Variants in CDH2 observed in about 807,000 individuals in gnomAD.
CDH2 encodes the protein cadherin-2.
In CDH2, 17 loss-of-function variants were observed where a neutral mutation model predicts 92.0. The observed-to-expected ratio is 0.18, with a 90% confidence interval of 0.13 to 0.28. CDH2 has a LOEUF of 0.28. CDH2 is among the 10% of genes least tolerant of loss of function. The probability of loss-of-function intolerance (pLI) is 1.00; values close to 1 mark genes in which losing one functional copy is unlikely to be tolerated. For missense variants in CDH2, 862 were observed against 1,133.1 expected (o/e 0.76, Z 3.44); for synonymous variants, 419 against 415.9 (o/e 1.01, Z -0.09).
At chr18:27,941,178 G>T (rs1471835871) in intron 6 of CDH2, among the ~76,000 whole-genome samples, 1 of 151,840 alleles carries the variant, frequency 6.6e-6, no homozygotes, top group Non-Finnish European at 1.5e-5. Context: ...TGGGACTACA[G>T]GCACCCGCCA....
downstream of CDH2, among the ~76,000 whole-genome samples, chr18:27,948,409 T>G (rs1909329461): frequency 6.6e-6 from 1 of 151,898 alleles, no homozygotes; most frequent in Admixed American, 6.6e-5. Context: ...ATTAAAGAGA[T>G]AAATGCAAAA....
chr18:27,997,685 A>C (rs1456482972), intron 7 of CDH2, among the ~76,000 whole-genome samples: 1 of 152,192 alleles, frequency 6.6e-6, no homozygotes, highest in Non-Finnish European at 1.5e-5. Flanking sequence ...TAGGAAATTC[A>C]TCATAAATCA....
chr18:28,060,310 C>T (rs1555637484), intron 2 of CDH2, among the ~76,000 whole-genome samples: 1 of 152,066 alleles, frequency 6.6e-6, no homozygotes, highest in South Asian at 2.1e-4. Flanking sequence ...CCTCAGCTTC[C>T]GTGTAGCTGG....
chr18:28,138,073 T>A (rs1462088113), intron 2 of CDH2, among the ~76,000 whole-genome samples: 1 of 151,982 alleles, frequency 6.6e-6, no homozygotes, highest in African/African-American at 2.4e-5. Flanking sequence ...TTTTACTCCA[T>A]CAATTTGACA....
chr18:28,168,506 A>G (rs2144365862), intron 1 of CDH2: 1 of 167,372 alleles, frequency 6.0e-6, no homozygotes, highest in Admixed American at 6.5e-5. Context: ...AAGAGTTTCA[A>G]AAAAAATGTG....
Position 27,951,162 on chromosome 18 carries a change from T to TTTCC in CDH2, c.*990_*991insGGAA, listed in dbSNP as rs1491118757. 5.7e-4 allele frequency: 1 copy of TTTCC among 1,766 alleles called. No homozygotes were observed. The highest frequency in any genetic ancestry group is 0.056 in the Non-Finnish European group (1 of 18). 0.1% of individuals were successfully genotyped at this position (1,766 alleles called of 1,614,324 possible). A position where few individuals can be genotyped will look rare whatever the true frequency, so the allele number is the denominator to read the frequency against. On this transcript the variant is annotated 3_prime_UTR_variant, in exon 16 of 16. Transcript: ENST00000269141. ...CAGGCCACCCCTTTCTTTCCTTTCC[T>TTTCC]TTTTTTTTTTTTTTGGTACAAATTA...
At chr18:28,013,656 C>T (rs1567964122) in intron 3 of CDH2, 27 bp downstream of exon 3, 4 of 1,534,924 alleles carry the variant, frequency 2.6e-6, no homozygotes, top group Non-Finnish European at 3.6e-6. Context: ...TTTTAACCAG[C>T]CCTAAAGCCA....
chr18:27,999,675 C>CAT (rs71378904), intron 7 of CDH2, among the ~76,000 whole-genome samples: 33 of 148,904 alleles, frequency 2.2e-4, no homozygotes, highest in African/African-American at 7.6e-4. Context: ...TACATATATA[C>CAT]ATATATATAT....
intron 14 of CDH2, among the ~76,000 whole-genome samples, chr18:27,967,234 G>A (rs997104386): frequency 2.0e-5 from 3 of 152,180 alleles, no homozygotes; most frequent in South Asian, 2.1e-4. Flanking sequence ...ATGATGGCAG[G>A]CAGCGTGTGG....
At chr18:28,094,509 A>AACAAG (rs1236847881) in intron 2 of CDH2, among the ~76,000 whole-genome samples, 1 of 150,368 alleles carries the variant, frequency 6.7e-6, no homozygotes, top group Non-Finnish European at 1.5e-5. Flanking sequence ...AACAAAACAA[A>AACAAG]AAAAGCCAGG....
At chr18:28,146,334 A>G (rs1403675836) in intron 2 of CDH2, 1 of 152,090 alleles carries the variant, frequency 6.6e-6, no homozygotes, top group Non-Finnish European at 1.5e-5. Context: ...TAGGGTGCCA[A>G]GTAATAATTT....
At chr18:28,080,360 A>T (rs1005313143) in intron 2 of CDH2, among the ~76,000 whole-genome samples, 2 of 152,204 alleles carry the variant, frequency 1.3e-5, no homozygotes, top group African/African-American at 2.4e-5. Context: ...CCATTCAAAA[A>T]GAAATTAAAA....
At chr18:28,152,344 A>T (rs1326573196) in intron 1 of CDH2, among the ~76,000 whole-genome samples, 2 of 152,182 alleles carry the variant, frequency 1.3e-5, no homozygotes, top group African/African-American at 4.8e-5. Flanking sequence ...CTGAGTGTTC[A>T]TTTGCCACTA....
chr18:28,165,669 G>C (rs775436019), intron 1 of CDH2, among the ~76,000 whole-genome samples: 1 of 151,612 alleles, frequency 6.6e-6, no homozygotes, highest in Non-Finnish European at 1.5e-5. Flanking sequence ...AAGTGTCAGA[G>C]CCAGGGAACC....
chr18:28,177,081 CGGA>C lies in CDH2; in HGVS notation c.-62_-60del, dbSNP rs914953945. 1.4e-3 allele frequency: 1,485 copies of C among 1,041,744 alleles called. No homozygotes were observed. The highest frequency in any genetic ancestry group is 1.7e-3 in the East Asian group (49 of 28,026). 64.5% of individuals were successfully genotyped at this position (1,041,744 alleles called of 1,614,324 possible). ...GAGGCGGCGGCGGCGGCGGCGGCGG[CGGA>C]GGAGGAGGAGGCAGCGGCAGCACCA... is the stretch of plus-strand genomic sequence containing the variant. On this transcript the variant is annotated 5_prime_UTR_variant, in exon 1 of 16. Transcript: ENST00000269141.
At chr18:28,048,241 G>T (rs953694065) in intron 2 of CDH2, among the ~76,000 whole-genome samples, 4 of 151,566 alleles carry the variant, frequency 2.6e-5, no homozygotes, top group Non-Finnish European at 5.9e-5. Context: ...TGCAGTTCTA[G>T]GTTTCAAGAT....
intron 2 of CDH2, among the ~76,000 whole-genome samples, chr18:28,102,975 G>A (rs2015251440): frequency 6.6e-6 from 1 of 151,606 alleles, no homozygotes; most frequent in Non-Finnish European, 1.5e-5. Context: ...GTATATCTGT[G>A]CTGATTTAAA....
chr18:28,087,220 C>A (rs976665200), intron 2 of CDH2, among the ~76,000 whole-genome samples: 9 of 152,024 alleles, frequency 5.9e-5, no homozygotes, highest in African/African-American at 2.2e-4. Context: ...GGATGAAAGA[C>A]AAGTTTGATG....
At chr18:28,089,290 G>C (rs2014994418) in intron 2 of CDH2, among the ~76,000 whole-genome samples, 1 of 152,106 alleles carries the variant, frequency 6.6e-6, no homozygotes, top group Non-Finnish European at 1.5e-5. Flanking sequence ...TCAAATAAAA[G>C]AGTGATAAAT....
Sources: allele counts gnomAD v4.1 joint callset (sites outside exome capture counted in the v4.1 genomes callset), GRCh38; gene constraint gnomAD v4.1.1; transcripts MANE v1.5; gene names NCBI Gene and HGNC (gene_info 2026-07-23, HGNC 2026-07-21).